Variants in ARID3A observed in about 807,000 individuals in gnomAD.
The protein encoded by ARID3A is AT-rich interactive domain-containing protein 3A.
A neutral mutation model predicts 52.7 loss-of-function variants in ARID3A; 11 were observed. The ratio of observed to expected loss-of-function variants is 0.21; its 90% CI spans 0.13 to 0.35. The LOEUF is 0.35. Ranked by LOEUF, ARID3A falls within the 10% of genes least tolerant of loss-of-function variation. The pLI is 1.00. For synonymous variants in ARID3A, 404 were observed against 359.4 expected (o/e 1.12, Z -1.40); for missense variants, 721 against 838.5 (o/e 0.86, Z 1.73).
chr19:958,156 G>T (rs2037961509), intron 3 of ARID3A: 1 of 148,138 alleles, frequency 6.8e-6, no homozygotes, highest in African/African-American at 2.5e-5. Context: ...AAAATAGGCT[G>T]GGCGCAGTGG....
intron 3 of ARID3A, among the ~76,000 whole-genome samples, 160 bp downstream of exon 3, chr19:932,902 G>A (rs117389211): frequency 0.026 from 4,028 of 152,340 alleles, 68 homozygotes; most frequent in Middle Eastern, 0.058. Flanking sequence ...CCTCCTGGGC[G>A]TGGGCTCGAC....
chr19:939,856 C>G (rs1371759225), intron 3 of ARID3A, among the ~76,000 whole-genome samples: 1 of 151,982 alleles, frequency 6.6e-6, no homozygotes, highest in African/African-American at 2.4e-5. Context: ...AGGTGGGGAG[C>G]TGGAATTGCC....
intron 3 of ARID3A, among the ~76,000 whole-genome samples, chr19:934,264 T>G (rs2037394825): frequency 6.6e-6 from 1 of 152,082 alleles, no homozygotes; most frequent in African/African-American, 2.4e-5. Context: ...TGGGACCCCC[T>G]GACCCTGGAC....
Position 968,427 on chromosome 19 carries a change from T to C in ARID3A, c.1518T>C (p.Ser506=), listed in dbSNP as rs748908471. Reference sequence around the variant, plus strand: ...CAGCCTCCGAAAGCCGCCAGGACTCTGCTGTGAACCTGACGGGCACCAACG... The same window carrying C: ...CAGCCTCCGAAAGCCGCCAGGACTCCGCTGTGAACCTGACGGGCACCAACG... ...NSQASESRQD[S]AVNLTGTNGS... is the part of the protein sequence containing the mutation. The change falls in exon 8 of 9, where the codon TCT becomes TCC. Residue 506 remains serine, a synonymous_variant. Coordinates refer to ENST00000263620, the MANE Select transcript of ARID3A (RefSeq NM_005224.3). 25 of 1,613,802 alleles carry C rather than the reference T, an allele frequency of 1.5e-5. No individual in the cohort carries two copies. The highest frequency in any genetic ancestry group is 1.9e-5 in the Non-Finnish European group (22 of 1,179,950).
At chr19:932,304 C>T (rs974785257) in intron 2 of ARID3A, 114 bp from the exon 3 acceptor site, 77 of 1,539,786 alleles carry the variant, frequency 5.0e-5, no homozygotes, top group East Asian at 1.7e-4. Flanking sequence ...TGGCGGCGGC[C>T]GGCTCTTCCT....
intron 8 of ARID3A, among the ~76,000 whole-genome samples, chr19:969,672 T>G (rs991059455): frequency 5.0e-3 from 1 of 200 alleles, no homozygotes; most frequent in Non-Finnish European, 0.045. Flanking sequence ...TCTACATAGA[T>G]ATATATATAT....
At chr19:933,941 G>A (rs1043897214) in intron 3 of ARID3A, among the ~76,000 whole-genome samples, 14 of 151,804 alleles carry the variant, frequency 9.2e-5, no homozygotes, top group Admixed American at 2.0e-4. Flanking sequence ...ACTGCCGCGC[G>A]TCCCATTCTG....
intron 2 of ARID3A, among the ~76,000 whole-genome samples, chr19:931,886 G>A (rs929428126): frequency 6.6e-6 from 1 of 152,100 alleles, no homozygotes; most frequent in Non-Finnish European, 1.5e-5. Flanking sequence ...AGTGGCGAGG[G>A]TGGGGCGGAT....
rs1162048329 is a variant in ARID3A at position 932,402 on chromosome 19, C to T, written c.369-16C>T. 4.4e-6 allele frequency: 7 copies of T among 1,593,638 alleles called. No homozygotes were observed. Among genetic ancestry groups the T allele is most frequent in the South Asian group, 1.1e-5 (1 of 88,930 alleles). On this transcript the variant is annotated splice_polypyrimidine_tract_variant and intron_variant, in intron 2 of 8. Transcript: ENST00000263620. ...CAGCACCTTCTCCCCTGACTCCTGC[C>T]CTCTGCTCACCCCAGGAAGCCCAAA...
In ARID3A at chr19:964,441, G is replaced by A. The variant is rs767676947; in HGVS notation, c.950+10G>A. ...TCACCCTGCGGACCCAGTGAGTGGC[G>A]GACGGTTGTGCCGAGGTCGGGCCAG... On this transcript the variant is annotated intron_variant, in intron 5 of 8. Coordinates refer to ENST00000263620, the MANE Select transcript of ARID3A (RefSeq NM_005224.3). This position sits in a 1 kb window ranked among gnomAD's most constrained non-coding sequence, Gnocchi z 5.7. 6.0e-5 allele frequency: 94 copies of A among 1,575,600 alleles called. 1 individual carries two copies. Among genetic ancestry groups the A allele is most frequent in the African/African-American group, 2.2e-4 (16 of 73,858 alleles).
chr19:959,755 CAG>C lies in ARID3A; in HGVS notation c.694-333_694-332del, dbSNP rs1247138129. On this transcript the variant is annotated intron_variant, in intron 3 of 8. Coordinates refer to ENST00000263620, the MANE Select transcript of ARID3A (RefSeq NM_005224.3). This position sits in a 1 kb window ranked among gnomAD's most constrained non-coding sequence, Gnocchi z 5.0. ...GGAGACGGTCTTGTGGAGACGGAGG[CAG>C]AGACTGGAGCGCTGCGGCCACAAGC... 6.6e-6 allele frequency among the ~76,000 whole-genome samples: 1 copy of C among 152,096 alleles called. No individual in the cohort carries two copies. The highest frequency in any genetic ancestry group is 1.5e-5 in the Non-Finnish European group (1 of 68,004).
chr19:937,466 C>T (rs1001800267), intron 3 of ARID3A, among the ~76,000 whole-genome samples: 2 of 152,056 alleles, frequency 1.3e-5, no homozygotes, highest in Non-Finnish European at 2.9e-5. Flanking sequence ...GGTGACCACT[C>T]GACCTGTTTC....
intron 7 of ARID3A, among the ~76,000 whole-genome samples, chr19:967,519 A>G (rs1223958002): frequency 3.9e-5 from 6 of 152,184 alleles, no homozygotes; most frequent in Admixed American, 6.5e-5. Flanking sequence ...TGATTGCACC[A>G]CTGCATTCCA....
Position 960,027 on chromosome 19 carries a change from G to C in ARID3A, c.694-65G>C. The stretch of plus-strand genomic sequence containing the variant: ...CCTCCTGACCTGGCCTCCAGTGCAG[G>C]AGGGACATGGTTCCCACACCTGAGC... On this transcript the variant is annotated intron_variant, in intron 3 of 8. Coordinates refer to ENST00000263620, the MANE Select transcript of ARID3A (RefSeq NM_005224.3). The surrounding 1 kb of genome is among the most constrained non-coding windows in gnomAD (Gnocchi z 4.3). 6.9e-7 allele frequency: 1 copy of C among 1,458,630 alleles called. No homozygotes were observed. Among genetic ancestry groups the C allele is most frequent in the Non-Finnish European group, 9.5e-7 (1 of 1,050,730 alleles). The allele number at this position is 1,458,630 out of a possible 1,614,324, so 90.4% of individuals were successfully genotyped here. A position where few individuals can be genotyped will look rare whatever the true frequency, so the allele number is the denominator to read the frequency against.
intron 3 of ARID3A, among the ~76,000 whole-genome samples, chr19:943,371 C>T (rs1405500149): frequency 1.3e-5 from 2 of 151,742 alleles, no homozygotes; most frequent in Non-Finnish European, 2.9e-5. Flanking sequence ...AAGTTTGAGA[C>T]CAGCCTGACC....
intron 1 of ARID3A, among the ~76,000 whole-genome samples, chr19:927,727 G>A (rs2037231193): frequency 6.6e-6 from 1 of 152,080 alleles, no homozygotes; most frequent in Admixed American, 6.5e-5. Context: ...TGGGGATGGG[G>A]GGCTGGGTGC....
At chr19:926,534 C>T (rs2037203789) in intron 1 of ARID3A, among the ~76,000 whole-genome samples, 1 of 151,852 alleles carries the variant, frequency 6.6e-6, no homozygotes, top group African/African-American at 2.4e-5. Context: ...TTTATTCTTT[C>T]TCCCCGAAAT....
chr19:962,275 A>G (rs906161037), intron 4 of ARID3A, among the ~76,000 whole-genome samples: 19 of 152,068 alleles, frequency 1.2e-4, no homozygotes, highest in African/African-American at 4.6e-4. Context: ...ACTCTAACTA[A>G]ATTTCTCAGA....
rs74873695 is a variant in ARID3A, at chr19:944,325, G to GGTGTGTGTGT, written c.693+11598_693+11607dup. On this transcript the variant is annotated intron_variant, in intron 3 of 8. Transcript: ENST00000263620. This position sits in a 1 kb window ranked among gnomAD's most constrained non-coding sequence, Gnocchi z 5.9. ...TCTGGCTGCAGGGGCGCGTCCAGGG[G>GGTGTGTGTGT]GTGTGTGTGTGTGTGTGTGTGTGTC... Among the ~76,000 whole-genome samples the GGTGTGTGTGT allele has an allele frequency of 4.7e-4, 71 of 149,838 alleles. No individual in the cohort carries two copies. Among genetic ancestry groups the GGTGTGTGTGT allele is most frequent in the South Asian group, 3.8e-3 (18 of 4,696 alleles).
Sources: gnomAD v4.1 joint callset for allele counts (sites outside exome capture counted in the v4.1 genomes callset) on GRCh38, gnomAD v4.1.1 for gene constraint, Gnocchi (gnomAD v3.1) non-coding constraint, MANE v1.5 for transcripts, NCBI Gene and HGNC (gene_info 2026-07-23, HGNC 2026-07-21) for gene names.